ZNF248: variants seen among roughly 807,000 people sequenced by gnomAD.
ZNF248 encodes the protein KRAB protein domain.
In ZNF248, 20 loss-of-function variants were observed where a neutral mutation model predicts 44.3. The observed-to-expected ratio is 0.45, with a 90% CI of 0.32 to 0.66. The LOEUF (loss-of-function observed/expected upper bound fraction) is 0.66. ZNF248 is among the 30% of genes least tolerant of loss of function. ZNF248 has a pLI of 0.04. For missense variants in ZNF248, 654 were observed against 677.0 expected (o/e 0.97, Z 0.38); for synonymous variants, 224 against 229.0 (o/e 0.98, Z 0.20).
At chr10:37,812,567 A>C (rs1011044352) in intron 6 of ZNF248, among the ~76,000 whole-genome samples, 1 of 152,140 alleles carries the variant, frequency 6.6e-6, no homozygotes, top group Non-Finnish European at 1.5e-5. Flanking sequence ...GATAGGTTTC[A>C]CCATGCTTTG....
chr10:37,792,160 G>T (rs975121538), intron 6 of ZNF248, among the ~76,000 whole-genome samples: 2 of 152,132 alleles, frequency 1.3e-5, no homozygotes, highest in Admixed American at 6.5e-5. Context: ...GTAATTTCAT[G>T]ATAGCTCCTC....
At chr10:37,775,186 C>A (rs561727109), downstream of ZNF248, among the ~76,000 whole-genome samples, 65 of 152,200 alleles carry the variant, frequency 4.3e-4, no homozygotes, top group African/African-American at 1.4e-3. Context: ...AATATATACA[C>A]ACTAAAACTA....
intron 6 of ZNF248, among the ~76,000 whole-genome samples, chr10:37,778,382 T>C (rs1462590431): frequency 6.6e-6 from 1 of 152,158 alleles, no homozygotes; most frequent in Non-Finnish European, 1.5e-5. Context: ...TTGATAGGGT[T>C]GTTTGTTTTT....
At chr10:37,778,754 A>AATAG (rs372461907) in intron 6 of ZNF248, among the ~76,000 whole-genome samples, 9,064 of 152,142 alleles carry the variant, frequency 0.06, 345 homozygotes, top group Middle Eastern at 0.095. Context: ...GGATCAACAA[A>AATAG]ATAGACTGCT....
At chr10:37,768,055 C>G in the ZNF248 span, among the ~76,000 whole-genome samples, 1 of 152,186 alleles carries the variant, frequency 6.6e-6, no homozygotes, top group African/African-American at 2.4e-5. Context: ...GTAAAGGGAT[C>G]AATTCAACAA....
At chr10:37,760,233 T>G in the ZNF248 span, among the ~76,000 whole-genome samples, 1 of 151,716 alleles carries the variant, frequency 6.6e-6, no homozygotes, top group Admixed American at 6.6e-5. Flanking sequence ...GGTTTTTTGT[T>G]TTGTTTTGTT....
At chr10:37,768,174 A>G in the ZNF248 span, among the ~76,000 whole-genome samples, 40 of 152,268 alleles carry the variant, frequency 2.6e-4, no homozygotes, top group African/African-American at 9.6e-4. Flanking sequence ...CACAATAATA[A>G]TGGGAGACTT....
downstream of ZNF248, among the ~76,000 whole-genome samples, chr10:37,827,200 G>A (rs546678839): frequency 5.3e-5 from 8 of 152,230 alleles, no homozygotes; most frequent in East Asian, 1.5e-3. Context: ...ACAAGAATAG[G>A]GCAAGCCTTT....
the ZNF248 span, among the ~76,000 whole-genome samples, chr10:37,770,660 A>T: frequency 6.6e-6 from 1 of 152,266 alleles, no homozygotes; most frequent in East Asian, 1.9e-4. Flanking sequence ...ACCTAAAACC[A>T]TAAAAACCCT....
chr10:37,771,002 C>T, the ZNF248 span, among the ~76,000 whole-genome samples: 4 of 152,248 alleles, frequency 2.6e-5, no homozygotes, highest in East Asian at 7.7e-4. Context: ...ATTTATGCAG[C>T]CAAAAAACAC....
At chr10:37,817,939 G>A (rs1397527962) in intron 6 of ZNF248, among the ~76,000 whole-genome samples, 4 of 151,714 alleles carry the variant, frequency 2.6e-5, no homozygotes, top group South Asian at 2.1e-4. Flanking sequence ...TTTTTGAGAC[G>A]GAGTGTCACT....
chr10:37,762,487 CA>C, the ZNF248 span, among the ~76,000 whole-genome samples: 1 of 152,174 alleles, frequency 6.6e-6, no homozygotes. Context: ...ACCACTGTAT[CA>C]GGGGTAAGCA....
At chr10:37,817,797 A>G (rs72791722) in intron 6 of ZNF248, among the ~76,000 whole-genome samples, 55 of 152,350 alleles carry the variant, frequency 3.6e-4, no homozygotes, top group Non-Finnish European at 6.6e-4. Flanking sequence ...CACCATCCCC[A>G]GCTGAGCCTT....
At chr10:37,818,066 C>G (rs1351127615) in intron 6 of ZNF248, among the ~76,000 whole-genome samples, 1 of 152,038 alleles carries the variant, frequency 6.6e-6, no homozygotes, top group Admixed American at 6.6e-5. Context: ...TAGGCGCCCA[C>G]CACCAAGCCT....
At chr10:37,853,839 CAAT>C (rs1441739090) in intron 3 of ZNF248, among the ~76,000 whole-genome samples, 1 of 151,662 alleles carries the variant, frequency 6.6e-6, no homozygotes, top group Non-Finnish European at 1.5e-5. Context: ...GCACAAGAAA[CAAT>C]AAAACTTCTT....
At chr10:37,813,103 T>G (rs1208701) in intron 6 of ZNF248, among the ~76,000 whole-genome samples, 8,998 of 150,962 alleles carry the variant, frequency 0.06, 346 homozygotes, top group Middle Eastern at 0.097. Flanking sequence ...CAAGATCTCA[T>G]AGACTTCACA....
the ZNF248 span, among the ~76,000 whole-genome samples, chr10:37,769,188 G>C: frequency 6.6e-6 from 1 of 152,162 alleles, no homozygotes; most frequent in Non-Finnish European, 1.5e-5. Context: ...AATTCTACCA[G>C]AGGTACGAGG....
At chr10:37,764,275 A>G in the ZNF248 span, among the ~76,000 whole-genome samples, 2 of 152,214 alleles carry the variant, frequency 1.3e-5, no homozygotes, top group Non-Finnish European at 2.9e-5. Flanking sequence ...GGTCTCCCGT[A>G]GCACTCCCAG....
chr10:37,763,261 C>T, the ZNF248 span, among the ~76,000 whole-genome samples: 1 of 152,190 alleles, frequency 6.6e-6, no homozygotes, highest in Non-Finnish European at 1.5e-5. Flanking sequence ...GGATGATTGT[C>T]GGGTAATTTT....
Sources: gnomAD v4.1 joint callset for allele counts (sites outside exome capture counted in the v4.1 genomes callset) on GRCh38, gnomAD v4.1.1 for gene constraint, MANE v1.5 for transcripts, NCBI Gene and HGNC (gene_info 2026-07-23, HGNC 2026-07-21) for gene names.